The following KCNH1 variants were observed in gnomAD, a reference collection of about 807,000 sequenced individuals.
KCNH1 encodes the protein potassium voltage-gated channel subfamily H member 1.
A neutral mutation model predicts 69.2 loss-of-function variants in KCNH1; 27 were observed. That is an observed-to-expected ratio of 0.39 (90% CI 0.29 to 0.54). The LOEUF is 0.54. Ranked by LOEUF, KCNH1 falls within the 20% of genes least tolerant of loss-of-function variation. KCNH1 has a pLI of 0.68. For synonymous variants in KCNH1, 456 were observed against 487.7 expected (o/e 0.93, Z 0.86); for missense variants, 798 against 1,261.6 (o/e 0.63, Z 5.57).
rs187399785 is a variant in KCNH1 at position 211,078,913 on chromosome 1, G to A, written c.558+3867C>T. Among the ~76,000 whole-genome samples, 184 of 76,058 alleles carry A rather than the reference G, an allele frequency of 2.4e-3. 1 individual carries two copies. The highest frequency in any genetic ancestry group is 0.011 in the East Asian group (29 of 2,566). The allele number at this position is 76,058 out of a possible 152,430, so 49.9% of individuals were successfully genotyped here. ...AGCCTGGGTGACAGAGCGAGACTCCGTCTCAAAAAAAAAAAAAAAAAAAAG... is the reference window on the plus strand; with the variant it reads ...AGCCTGGGTGACAGAGCGAGACTCCATCTCAAAAAAAAAAAAAAAAAAAAG... On this transcript the variant is annotated intron_variant, in intron 5 of 10. Coordinates refer to ENST00000271751, the MANE Select transcript of KCNH1 (RefSeq NM_172362.3).
chr1:211,031,581 C>A (rs1689785938), intron 5 of KCNH1, among the ~76,000 whole-genome samples: 1 of 152,142 alleles, frequency 6.6e-6, no homozygotes, highest in Non-Finnish European at 1.5e-5. Flanking sequence ...TGGGCTTCAT[C>A]CCTGGAATGC....
At position 211,043,361 on chromosome 1, in the gene KCNH1, T is replaced by C. The variant is rs997117692; in HGVS notation, c.559-24105A>G. The stretch of plus-strand genomic sequence containing the variant: ...CATAAACTAGAAAACATAGAGGAGA[T>C]GGATGAATTCCTGGAAAGATACAAC... On this transcript the variant is annotated intron_variant, in intron 5 of 10. Coordinates refer to ENST00000271751, the MANE Select transcript of KCNH1 (RefSeq NM_172362.3). Among the ~76,000 whole-genome samples, 10 of 152,218 alleles carry C rather than the reference T, an allele frequency of 6.6e-5. No individual in the cohort carries two copies. In the East Asian group the frequency reaches 1.4e-3, roughly 21 times the overall value.
intron 5 of KCNH1, among the ~76,000 whole-genome samples, chr1:211,053,183 C>T (rs956566687): frequency 6.6e-6 from 1 of 152,192 alleles, no homozygotes; most frequent in Non-Finnish European, 1.5e-5. Flanking sequence ...ACTTTCTACC[C>T]AGTTTTAAAT....
In KCNH1 at chr1:210,707,973, A is replaced by G. The variant is rs141053622; in HGVS notation, c.2113-23835T>C. 6.2e-3 allele frequency among the ~76,000 whole-genome samples: 947 copies of G among 152,294 alleles called. 12 individuals carry two copies. Among genetic ancestry groups the G allele is most frequent in the Middle Eastern group, 0.024 (7 of 294 alleles). ...TGTGCTTTAGCTATGATACTGGTGT[A>G]TTCAGGCACATGGCAAGGCTGGACA... On this transcript the variant is annotated intron_variant, in intron 10 of 10. Transcript: ENST00000271751.
intron 6 of KCNH1, among the ~76,000 whole-genome samples, chr1:210,987,036 A>G (rs1310829182): frequency 6.6e-6 from 1 of 151,968 alleles, no homozygotes; most frequent in Admixed American, 6.6e-5. Flanking sequence ...CATTCATTTC[A>G]TCTTCCATCA....
intron 5 of KCNH1, among the ~76,000 whole-genome samples, chr1:211,026,128 C>T (rs1219358234): frequency 2.6e-5 from 4 of 152,138 alleles, no homozygotes; most frequent in African/African-American, 9.7e-5. Flanking sequence ...ATAAATGAAC[C>T]TAATCAGATT....
chr1:210,934,822 T>A (rs1483215803), intron 6 of KCNH1, among the ~76,000 whole-genome samples: 1 of 152,028 alleles, frequency 6.6e-6, no homozygotes, highest in Non-Finnish European at 1.5e-5. Context: ...GGAACTCTTG[T>A]ACACTATTGG....
chr1:210,716,645 A>G (rs1682258962), intron 10 of KCNH1, among the ~76,000 whole-genome samples: 1 of 152,152 alleles, frequency 6.6e-6, no homozygotes. Flanking sequence ...TGTCTACTAC[A>G]TTCACTGAGG....
intron 7 of KCNH1, among the ~76,000 whole-genome samples, chr1:210,819,642 G>A (rs1377522280): frequency 6.6e-6 from 1 of 152,114 alleles, no homozygotes; most frequent in East Asian, 1.9e-4. Flanking sequence ...TTAGCTGTTT[G>A]ATGGGGTATT....
chr1:211,096,982 T>G (rs546532099), intron 3 of KCNH1, among the ~76,000 whole-genome samples: 7 of 152,366 alleles, frequency 4.6e-5, no homozygotes, highest in Non-Finnish European at 8.8e-5. Flanking sequence ...ACAATGACTC[T>G]ATAATGTAGA....
Position 211,019,062 on chromosome 1 carries a change from C to T in KCNH1, c.753G>A (p.Leu251=), listed in dbSNP as rs773373164. 6.2e-7 allele frequency: 1 copy of T among 1,614,004 alleles called. No individual in the cohort carries two copies. Among genetic ancestry groups the T allele is most frequent in the South Asian group, 1.1e-5 (1 of 91,082 alleles). ...TAACATCCACGATGCTATCAACAACCAGCCAGGCCACATTATTCTGCCTGG... is the reference window on the plus strand; with the variant it reads ...TAACATCCACGATGCTATCAACAACTAGCCAGGCCACATTATTCTGCCTGG... The part of the protein sequence containing the change: ...FKTRQNNVAW[L]VVDSIVDVIF... The change falls in exon 6 of 11, where the codon CTG becomes CTA. Residue 251 remains leucine, a synonymous_variant. Coordinates refer to ENST00000271751, the MANE Select transcript of KCNH1 (RefSeq NM_172362.3).
At chr1:210,688,045 G>C (rs1171599659) in intron 10 of KCNH1, among the ~76,000 whole-genome samples, 1 of 152,198 alleles carries the variant, frequency 6.6e-6, no homozygotes, top group Non-Finnish European at 1.5e-5. Flanking sequence ...GGTTAGGTAA[G>C]TTTGAGTCAC....
At chr1:210,858,659 C>T (rs369702401) in intron 7 of KCNH1, 1 of 155,378 alleles carries the variant, frequency 6.4e-6, no homozygotes, top group Non-Finnish European at 1.4e-5. Context: ...TTGAATAAGG[C>T]TATCAGATTA....
chr1:210,984,416 T>C (rs539572806), intron 6 of KCNH1, among the ~76,000 whole-genome samples: 60 of 152,350 alleles, frequency 3.9e-4, no homozygotes, highest in African/African-American at 1.4e-3. Context: ...GGGTTTGTTA[T>C]AGATAGCTCT....
At chr1:211,120,870 C>A (rs1404138643) in intron 1 of KCNH1, among the ~76,000 whole-genome samples, 3 of 152,098 alleles carry the variant, frequency 2.0e-5, no homozygotes, top group African/African-American at 4.8e-5. Context: ...AAATCACAAG[C>A]ATTCCTTTAC....
intron 7 of KCNH1, among the ~76,000 whole-genome samples, chr1:210,873,689 G>A (rs1686303278): frequency 6.6e-6 from 1 of 151,926 alleles, no homozygotes. Context: ...TTATGCCCCT[G>A]ATTCAAAGAC....
rs1196861830 is a variant in KCNH1 at position 210,910,785 on chromosome 1, C to T, written c.1462+8855G>A. Among the ~76,000 whole-genome samples the T allele has an allele frequency of 3.3e-5, 5 of 152,352 alleles. No individual in the cohort carries two copies. The East Asian group carries it at 9.6e-4, about 29-fold the overall frequency. On this transcript the variant is annotated intron_variant, in intron 7 of 10. Transcript: ENST00000271751. ...GAATGTGTATAATGTGCTCTGCACA[C>T]AGTATATGTTCAATCATTCATCATT...
At chr1:210,860,000 G>GAAT in intron 7 of KCNH1, 1 of 1,588,466 alleles carries the variant, frequency 6.3e-7, no homozygotes, top group African/African-American at 1.3e-5. Context: ...CTGCTTCCAC[G>GAAT]AATAAGGGAA....
intron 10 of KCNH1, among the ~76,000 whole-genome samples, chr1:210,761,930 A>G (rs1002235710): frequency 1.3e-5 from 2 of 152,068 alleles, no homozygotes; most frequent in Non-Finnish European, 2.9e-5. Flanking sequence ...CTACCCAACA[A>G]CCACACAGTA....
Sources: gnomAD v4.1 joint callset for allele counts (sites outside exome capture counted in the v4.1 genomes callset) on GRCh38, gnomAD v4.1.1 for gene constraint, MANE v1.5 for transcripts, NCBI Gene and HGNC (gene_info 2026-07-23, HGNC 2026-07-21) for gene names.